Variants in MAPK12 observed in about 807,000 individuals in gnomAD.
The protein encoded by MAPK12 is MAP kinase 12.
A neutral mutation model predicts 49.1 loss-of-function variants in MAPK12; 49 were observed. That is an observed-to-expected ratio of 1.00 (90% CI 0.79 to 1.27). The LOEUF (loss-of-function observed/expected upper bound fraction) is 1.27, where lower values mean the gene tolerates loss of function less well. Ranked by LOEUF, MAPK12 falls within the 50% of genes most tolerant of loss-of-function variation. The pLI is 0.00. For synonymous variants in MAPK12, 251 were observed against 209.7 expected, an observed-to-expected ratio of 1.20 and a Z score of -1.70; for missense variants, 554 against 502.4, an observed-to-expected ratio of 1.10 and a Z score of -0.98.
chr22:50,255,893 GCCCTGGTCAGCT>G lies in MAPK12; in HGVS notation c.620-24_620-13del. On this transcript the variant is annotated splice_polypyrimidine_tract_variant and intron_variant, in intron 7 of 11. Transcript: ENST00000215659. ...AGACCAGATGTCCACTGAGATAGAAGCCCTGGTCAGCTCCGTGGGCAGGGGGACAGGATGAGA... is the reference window on the plus strand; with the variant it reads ...AGACCAGATGTCCACTGAGATAGAAGCCGTGGGCAGGGGGACAGGATGAGA... 1 of 1,611,446 alleles carries G rather than the reference GCCCTGGTCAGCT, an allele frequency of 6.2e-7. No homozygotes were observed.
chr22:50,258,762 T>C (rs1047345931), intron 2 of MAPK12, among the ~76,000 whole-genome samples: 5 of 151,736 alleles, frequency 3.3e-5, no homozygotes, highest in Admixed American at 1.3e-4. Flanking sequence ...GCACCCCTGG[T>C]TGGGGAGATA....
At chr22:50,253,501 G>GCCCCCCCCCCCCCC in intron 11 of MAPK12, 21 bp from the exon 12 acceptor site, 2 of 354,130 alleles carry the variant, frequency 5.6e-6, no homozygotes, top group Non-Finnish European at 1.1e-5. Context: ...TGGGGGGGCG[G>GCCCCCCCCCCCCCC]GCACAACAGA....
chr22:50,255,188 C>T lies in MAPK12; in HGVS notation c.1024+9G>A, dbSNP rs202001236. The T allele has an allele frequency of 5.6e-6, 9 of 1,613,466 alleles. No individual in the cohort carries two copies. The highest frequency in any genetic ancestry group is 2.7e-5 in the African/African-American group (2 of 74,924). On this transcript the variant is annotated intron_variant, in intron 11 of 11. Transcript: ENST00000215659. Reference sequence around the variant, plus strand: ...TCCACACAGGCCGTGCCAGGAGCCCCCCACTCACGCTTCCATTCATCCAGT... The same window carrying T: ...TCCACACAGGCCGTGCCAGGAGCCCTCCACTCACGCTTCCATTCATCCAGT...
intron 11 of MAPK12, chr22:50,254,876 C>G: frequency 6.5e-6 from 8 of 1,236,426 alleles, no homozygotes; most frequent in Non-Finnish European, 8.2e-6. Context: ...GTGCCAGCCT[C>G]TGTGCTGAGC....
rs769795090 is a variant in MAPK12, at chr22:50,256,973, G to A, written c.427-9C>T. 68 of 1,606,564 alleles carry A rather than the reference G, an allele frequency of 4.2e-5. No homozygotes were observed. Among genetic ancestry groups the A allele is most frequent in the Non-Finnish European group, 5.7e-5 (67 of 1,177,912 alleles). On this transcript the variant is annotated splice_polypyrimidine_tract_variant and intron_variant, in intron 4 of 11. Coordinates refer to ENST00000215659, the MANE Select transcript of MAPK12 (RefSeq NM_002969.6). Reference sequence around the variant, plus strand: ...CCGGCAGCGTGGATATACTGCGGGGGGCAGAGGATTTGGCAGGCTTCAGCG... The same window carrying A: ...CCGGCAGCGTGGATATACTGCGGGGAGCAGAGGATTTGGCAGGCTTCAGCG...
chr22:50,261,324 GCCGGGCACCCCGCGCAGGCC>G, intron 1 of MAPK12, 28 bp from the exon 2 acceptor site: 13 of 1,281,152 alleles, frequency 1.0e-5, no homozygotes, highest in Non-Finnish European at 1.3e-5. Context: ...TAGCGGGAAG[GCCGGGCACCCCGCGCAGGCC>G]CCGCCCGCCC....
rs1487576925 is a variant in MAPK12 at position 50,253,136 on chromosome 22, C to T, written c.*265G>A. ...CCAGCTCTGAGGTTTCTGAGAGCAC[C>T]GGGCAAGTGGGCCACTGCTCCAGGG... On this transcript the variant is annotated 3_prime_UTR_variant, in exon 12 of 12. Transcript: ENST00000215659. 1.2e-5 allele frequency: 6 copies of T among 509,048 alleles called. No individual in the cohort carries two copies. The highest frequency in any genetic ancestry group is 2.0e-5 in the South Asian group (1 of 49,612). The allele number at this position is 509,048 out of a possible 1,614,324, so 31.5% of individuals were successfully genotyped here.
Position 50,253,500 on chromosome 22 carries a change from G to GGGGA in MAPK12, c.1025-21_1025-20insTCCC. The GGGGA allele has an allele frequency of 9.3e-6, 4 of 432,222 alleles. No individual in the cohort carries two copies. Among genetic ancestry groups the GGGGA allele is most frequent in the Admixed American group, 3.0e-5 (1 of 32,870 alleles). 26.8% of individuals were successfully genotyped at this position (432,222 alleles called of 1,614,324 possible). ...TAACACCTGGCGGGGGTGGGGGGGC[G>GGGGA]GGCACAACAGAGAGGGGGGTCAGCC... On this transcript the variant is annotated intron_variant, in intron 11 of 11. Transcript: ENST00000215659.
Position 50,261,402 on chromosome 22 carries a change from G to A in MAPK12, c.108C>T (p.Gly36=), listed in dbSNP as rs2147264297. The A allele has an allele frequency of 8.3e-7, 1 of 1,211,894 alleles. No homozygotes were observed. The highest frequency in any genetic ancestry group is 5.8e-5 in the East Asian group (1 of 17,112). 75.1% of individuals were successfully genotyped at this position (1,211,894 alleles called of 1,614,324 possible). A position where few individuals can be genotyped will look rare whatever the true frequency, so the allele number is the denominator to read the frequency against. The change falls in exon 1 of 12, where the codon GGC becomes GGT. Residue 36 remains glycine (G), a synonymous_variant. Transcript: ENST00000215659. The stretch of plus-strand genomic sequence containing the variant: ...GCGCTCACCACACCGCGCCGTAGGC[G>A]CCCGAGCCCACGGGCTGCAGGTCCC... ...VYRDLQPVGS[G]AYGAVCSAVD...
At chr22:50,258,348 G>C in intron 2 of MAPK12, 47 bp from the exon 3 acceptor site, 1 of 1,541,930 alleles carries the variant, frequency 6.5e-7, no homozygotes, top group Non-Finnish European at 9.0e-7. Context: ...GACACGGGCT[G>C]GGGCACCCCC....
intron 3 of MAPK12, among the ~76,000 whole-genome samples, 161 bp from the exon 4 acceptor site, chr22:50,257,354 G>A (rs1401616697): frequency 6.6e-6 from 1 of 152,180 alleles, no homozygotes; most frequent in African/African-American, 2.4e-5. Context: ...TGTCCTCGCA[G>A]CCCCACCTTG....
At chr22:50,257,841 C>T in intron 3 of MAPK12, 1 of 728,030 alleles carries the variant, frequency 1.4e-6, no homozygotes. Flanking sequence ...AGGGCAGGGG[C>T]AGGGTGGGTC....
chr22:50,261,253 T>G lies in MAPK12; in HGVS notation c.169A>C (p.Lys57Gln). 1 of 1,567,980 alleles carries G rather than the reference T, an allele frequency of 6.4e-7. No homozygotes were observed. The highest frequency in any genetic ancestry group is 1.2e-5 in the South Asian group (1 of 85,224). ...GRTGAKVAIK[K>Q]LYRPFQSELF... Reference sequence around the variant, plus strand: ...TCGGACTGGAAAGGCCGATACAGCTTCTTGATGGCCACCTTAGCGCCGGTG... The same window carrying G: ...TCGGACTGGAAAGGCCGATACAGCTGCTTGATGGCCACCTTAGCGCCGGTG... The change falls in exon 2 of 12, where the codon AAG becomes CAG. Residue 57 changes from lysine (K) to glutamine (Q), a missense_variant. Transcript: ENST00000215659.
intron 2 of MAPK12, among the ~76,000 whole-genome samples, chr22:50,259,765 T>A (rs1444914449): frequency 1.3e-5 from 2 of 151,544 alleles, no homozygotes; most frequent in Non-Finnish European, 2.9e-5. Flanking sequence ...GCGCCTGTAA[T>A]CCCAGCTACT....
chr22:50,254,653 AAAAAC>A (rs780707132), intron 11 of MAPK12: 1 of 1,011,746 alleles, frequency 9.9e-7, no homozygotes, highest in Non-Finnish European at 1.2e-6. Flanking sequence ...CTCCGTCTCA[AAAAAC>A]AAAAATGGGG....
At chr22:50,257,799 G>A (rs911237167) in intron 3 of MAPK12, 15 of 712,542 alleles carry the variant, frequency 2.1e-5, no homozygotes, top group African/African-American at 1.0e-4. Context: ...ACTCTTGGCC[G>A]ACAGGGTGTG....
At position 50,255,225 on chromosome 22, in the gene MAPK12, G is replaced by A. The variant is rs375925422; in HGVS notation, c.996C>T (p.Asp332=). The stretch of plus-strand genomic sequence containing the variant: ...TCCATTCATCCAGTGTGCGGTCAAC[G>A]TCGTCAAAGGAGTCATCATACTTCT... The part of the protein sequence containing the change: ...QVQKYDDSFD[D]VDRTLDEWKR... The change falls in exon 11 of 12, where the codon GAC becomes GAT. Residue 332 remains aspartate, a synonymous_variant. Coordinates refer to ENST00000215659, the MANE Select transcript of MAPK12 (RefSeq NM_002969.6). 4.0e-4 allele frequency: 647 copies of A among 1,613,868 alleles called. 6 individuals carry two copies. The South Asian group carries it at 5.6e-3, about 14-fold the overall frequency.
intron 2 of MAPK12, 135 bp downstream of exon 2, chr22:50,261,031 TG>T: frequency 9.5e-7 from 1 of 1,047,328 alleles, no homozygotes; most frequent in Non-Finnish European, 1.3e-6. Flanking sequence ...CCTTCTCCCC[TG>T]GGGACCCACG....
At chr22:50,254,009 G>A (rs985577859) in intron 11 of MAPK12, 3 of 160,120 alleles carry the variant, frequency 1.9e-5, no homozygotes, top group African/African-American at 4.8e-5. Context: ...AACATGGCAC[G>A]GCTCCCAGTG....
Sources: allele counts gnomAD v4.1 joint callset (sites outside exome capture counted in the v4.1 genomes callset), GRCh38; gene constraint gnomAD v4.1.1; transcripts MANE v1.5; gene names NCBI Gene and HGNC (gene_info 2026-07-23, HGNC 2026-07-21).